PEBP1: variants seen among roughly 807,000 people sequenced by gnomAD.
PEBP1 encodes phosphatidylethanolamine binding protein 1.
Under a neutral mutation model 22.7 loss-of-function variants are expected in PEBP1, and 17 were observed. The ratio of observed to expected loss-of-function variants is 0.75; its 90% CI spans 0.51 to 1.12. The LOEUF (loss-of-function observed/expected upper bound fraction) is 1.12. Among genes scored for constraint, PEBP1 ranks in the 50% most tolerant of loss-of-function variants. PEBP1 has a pLI of 0.00. For missense variants in PEBP1, 205 were observed against 243.5 expected (o/e 0.84, Z 1.05); for synonymous variants, 106 against 104.3 (o/e 1.02, Z -0.10).
At chr12:118,142,196 A>AC (rs1555280282) in intron 3 of PEBP1, among the ~76,000 whole-genome samples, 1 of 135,284 alleles carries the variant, frequency 7.4e-6, no homozygotes, top group East Asian at 2.1e-4. Flanking sequence ...TTTTTTTTAA[A>AC]TTTTTTTTTT....
chr12:118,142,664 A>G lies in PEBP1; in HGVS notation c.347-1922A>G, dbSNP rs188888973. Among the ~76,000 whole-genome samples, 7 of 151,766 alleles carry G rather than the reference A, an allele frequency of 4.6e-5. No individual in the cohort carries two copies. The East Asian group carries it at 1.4e-3, about 29-fold the overall frequency. On this transcript the variant is annotated intron_variant, in intron 3 of 3. Coordinates refer to ENST00000261313, the MANE Select transcript of PEBP1 (RefSeq NM_002567.4). ...GCTAATTTTTATATTTTTAGTAGAG[A>G]CGGGGTTTCACCATCTTGGCCAAGC...
rs1315878616 is a variant in PEBP1, at chr12:118,136,395, C to T, written c.135+51C>T. ...GAGCGGCACGGCGCGGAGGCCTGTG[C>T]CGGCCTCCTGGGTGGGACCCAGCGG... is the stretch of plus-strand genomic sequence containing the variant. On this transcript the variant is annotated intron_variant, in intron 1 of 3. Transcript: ENST00000261313. This position sits in a 1 kb window ranked among gnomAD's most constrained non-coding sequence, Gnocchi z 5.6. 7.3e-6 allele frequency: 11 copies of T among 1,508,136 alleles called. No individual in the cohort carries two copies. Among genetic ancestry groups the T allele is most frequent in the Non-Finnish European group, 9.7e-6 (11 of 1,134,320 alleles). 93.4% of individuals were successfully genotyped at this position (1,508,136 alleles called of 1,614,324 possible). A position where few individuals can be genotyped will look rare whatever the true frequency, so the allele number is the denominator to read the frequency against.
At chr12:118,141,390 C>T (rs1049401490) in intron 3 of PEBP1, among the ~76,000 whole-genome samples, 5 of 152,186 alleles carry the variant, frequency 3.3e-5, no homozygotes, top group African/African-American at 9.7e-5. Context: ...GCTGGGATTA[C>T]AGGCGTGAGC....
rs944594350 is a variant in PEBP1 at position 118,139,096 on chromosome 12, C to T, written c.246-355C>T. On this transcript the variant is annotated intron_variant, in intron 2 of 3. Coordinates refer to ENST00000261313, the MANE Select transcript of PEBP1 (RefSeq NM_002567.4). ...TTGGGAGGCCGAGTCGGGGGGATCA[C>T]GAGGTCAGGAGTTCAAGACCAGTCT... 8.1e-6 allele frequency: 2 copies of T among 246,812 alleles called. 1 individual carries two copies. Among genetic ancestry groups the T allele is most frequent in the South Asian group, 7.9e-5 (2 of 25,352 alleles). The allele number at this position is 246,812 out of a possible 1,614,324, so 15.3% of individuals were successfully genotyped here. A position where few individuals can be genotyped will look rare whatever the true frequency, so the allele number is the denominator to read the frequency against.
intron 3 of PEBP1, among the ~76,000 whole-genome samples, chr12:118,144,120 G>A (rs565415997): frequency 3.9e-5 from 6 of 152,118 alleles, no homozygotes; most frequent in South Asian, 4.2e-4. Context: ...TGGTGGGCCC[G>A]GGTCATTGAT....
At chr12:118,141,845 T>A (rs531802912) in intron 3 of PEBP1, among the ~76,000 whole-genome samples, 30 of 152,346 alleles carry the variant, frequency 2.0e-4, no homozygotes, top group African/African-American at 7.2e-4. Flanking sequence ...TAGTTACCCC[T>A]TTTTATTGCT....
At chr12:118,138,454 A>G (rs1484659476) in intron 2 of PEBP1, among the ~76,000 whole-genome samples, 1 of 151,988 alleles carries the variant, frequency 6.6e-6, no homozygotes, top group Non-Finnish European at 1.5e-5. Flanking sequence ...GCTGGAGTGC[A>G]GTGGCATGAT....
chr12:118,139,599 G>A, intron 3 of PEBP1, 48 bp downstream of exon 3: 1 of 1,180,938 alleles, frequency 8.5e-7, no homozygotes, highest in Non-Finnish European at 1.3e-6. Context: ...GAGCTCGGGG[G>A]CACATTAGGA....
At chr12:118,137,980 C>A (rs1332975837) in intron 1 of PEBP1, 59 bp from the exon 2 acceptor site, 55 of 1,184,330 alleles carry the variant, frequency 4.6e-5, no homozygotes, top group Non-Finnish European at 6.7e-5. Context: ...AGCCACCACA[C>A]CCAGCCAGTT....
chr12:118,140,385 T>C (rs577456258), intron 3 of PEBP1, among the ~76,000 whole-genome samples: 2 of 152,166 alleles, frequency 1.3e-5, no homozygotes, highest in Admixed American at 6.6e-5. Flanking sequence ...AAGCTTCAGA[T>C]GCCTTTAAAC....
chr12:118,142,233 C>T (rs985263989), intron 3 of PEBP1, among the ~76,000 whole-genome samples: 19 of 148,232 alleles, frequency 1.3e-4, no homozygotes, highest in Admixed American at 1.2e-3. Context: ...TGCTCTGTCA[C>T]CCAGGCTGGA....
chr12:118,138,186 G>A, intron 2 of PEBP1, 38 bp downstream of exon 2: 1 of 1,370,280 alleles, frequency 7.3e-7, no homozygotes, highest in South Asian at 1.2e-5. Context: ...AGGTCATGCA[G>A]AGATGAGTTA....
Position 118,144,595 on chromosome 12 carries a change from GC to G in PEBP1, c.357del (p.Tyr120MetfsTer12). 1 of 1,612,676 alleles carries G rather than the reference GC, an allele frequency of 6.2e-7. No homozygotes were observed. Among genetic ancestry groups the G allele is most frequent in the South Asian group, 1.1e-5 (1 of 90,800 alleles). On this transcript the variant is annotated frameshift_variant, in exon 4 of 4. Transcript: ENST00000261313. LOFTEE classifies it high-confidence loss of function. Reference sequence around the variant, plus strand: ...CTGCCTCTCCCCACAGGCCTCCACCGCTATGTCTGGCTGGTTTACGAGCAGG... The same window carrying G: ...CTGCCTCTCCCCACAGGCCTCCACCGTATGTCTGGCTGGTTTACGAGCAGG... ...SGPPKGTGLH[R>X]YVWLVYEQDR...
chr12:118,145,110 G>A lies in PEBP1; in HGVS notation c.*307G>A. The A allele has an allele frequency of 4.0e-6, 3 of 758,896 alleles. No individual in the cohort carries two copies. Among genetic ancestry groups the A allele is most frequent in the Non-Finnish European group, 5.9e-6 (3 of 512,160 alleles). The allele number at this position is 758,896 out of a possible 1,614,324, so 47.0% of individuals were successfully genotyped here. ...AATGTAAAAAAGAAAAAACTGGGGG[G>A]AAAAAGACCAGGTCTACAGTGATAG... is the stretch of plus-strand genomic sequence containing the variant. On this transcript the variant is annotated 3_prime_UTR_variant, in exon 4 of 4. Transcript: ENST00000261313.
intron 3 of PEBP1, 46 bp from the exon 4 acceptor site, chr12:118,144,540 C>G (rs1310522276): frequency 6.4e-7 from 1 of 1,553,270 alleles, no homozygotes; most frequent in African/African-American, 1.4e-5. Flanking sequence ...GTCCCCATCT[C>G]AAGTGCTGGG....
intron 1 of PEBP1, among the ~76,000 whole-genome samples, chr12:118,137,291 T>C (rs2088702): frequency 0.46 from 70,102 of 151,912 alleles, 17,326 homozygotes; most frequent in African/African-American, 0.64. Context: ...ATCCCAGCCT[T>C]ATCTGTTTCT....
chr12:118,142,743 C>G (rs2034124610), intron 3 of PEBP1, among the ~76,000 whole-genome samples: 2 of 150,278 alleles, frequency 1.3e-5, no homozygotes, highest in South Asian at 4.3e-4. Context: ...TCTCAAAGTG[C>G]TGGGATTACA....
At position 118,136,131 on chromosome 12, in the gene PEBP1, T is replaced by A; in HGVS notation, c.-79T>A. ...TCTGCGTCTTCCCGAGCCAGTGTGC[T>A]GAGCTCTCCGCGTCGCCTCTGTCGC... On this transcript the variant is annotated 5_prime_UTR_variant, in exon 1 of 4. Transcript: ENST00000261313. This position sits in a 1 kb window ranked among gnomAD's most constrained non-coding sequence, Gnocchi z 5.6. 1 of 1,507,594 alleles carries A rather than the reference T, an allele frequency of 6.6e-7. No individual in the cohort carries two copies. The highest frequency in any genetic ancestry group is 8.9e-7 in the Non-Finnish European group (1 of 1,125,084). 93.4% of individuals were successfully genotyped at this position (1,507,594 alleles called of 1,614,324 possible). A position where few individuals can be genotyped will look rare whatever the true frequency, so the allele number is the denominator to read the frequency against.
chr12:118,138,119 T>C lies in PEBP1; in HGVS notation c.216T>C (p.Asp72=). The C allele has an allele frequency of 6.2e-7, 1 of 1,613,580 alleles. No individual in the cohort carries two copies. Among genetic ancestry groups the C allele is most frequent in the Non-Finnish European group, 8.5e-7 (1 of 1,179,670 alleles). The change falls in exon 2 of 4, where the codon GAT becomes GAC. Residue 72 remains aspartate, a synonymous_variant. Transcript: ENST00000261313. Reference sequence around the variant, plus strand: ...ACACCTTGGTCCTGACAGACCCGGATGCTCCCAGCAGGAAGGATCCCAAAT... The same window carrying C: ...ACACCTTGGTCCTGACAGACCCGGACGCTCCCAGCAGGAAGGATCCCAAAT... ...KLYTLVLTDP[D]APSRKDPKYR... is the part of the protein sequence containing the mutation.
Sources: gnomAD v4.1 joint callset for allele counts (sites outside exome capture counted in the v4.1 genomes callset) on GRCh38, gnomAD v4.1.1 for gene constraint, Gnocchi (gnomAD v3.1) non-coding constraint, MANE v1.5 for transcripts, NCBI Gene and HGNC (gene_info 2026-07-23, HGNC 2026-07-21) for gene names.